CTDP1: variants seen among roughly 807,000 people sequenced by gnomAD.
CTDP1 encodes RNA polymerase II subunit A C-terminal domain phosphatase.
A neutral mutation model predicts 91.8 loss-of-function variants in CTDP1; 47 were observed. The ratio of observed to expected loss-of-function variants is 0.51; its 90% CI spans 0.41 to 0.65. The LOEUF (loss-of-function observed/expected upper bound fraction) is 0.65. Ranked by LOEUF, CTDP1 falls within the 30% of genes least tolerant of loss-of-function variation. The pLI is 0.00. For synonymous variants in CTDP1, 656 were observed against 598.5 expected (o/e 1.10, Z -1.40); for missense variants, 1,272 against 1,373.7 (o/e 0.93, Z 1.17).
chr18:79,747,246 C>T (rs1045033468), intron 12 of CTDP1, among the ~76,000 whole-genome samples: 2 of 152,192 alleles, frequency 1.3e-5, no homozygotes, highest in Non-Finnish European at 2.9e-5. Flanking sequence ...GGTGAGCGCC[C>T]GGCCAGCTCC....
At chr18:79,752,238 C>A (rs964588291) in intron 12 of CTDP1, among the ~76,000 whole-genome samples, 1 of 151,570 alleles carries the variant, frequency 6.6e-6, no homozygotes, top group African/African-American at 2.4e-5. Context: ...AGCCTAGTGG[C>A]ACCGGCTGGT....
chr18:79,704,758 T>A lies in CTDP1; in HGVS notation c.622-9T>A. On this transcript the variant is annotated splice_polypyrimidine_tract_variant and intron_variant, in intron 4 of 12. Coordinates refer to ENST00000613122, the MANE Select transcript of CTDP1 (RefSeq NM_004715.5). ...CTTTTCTCCCGACTGTTGCTACTAT[T>A]CTTTTTAGGGCATCTTTCACTTCCA... The A allele has an allele frequency of 6.2e-7, 1 of 1,613,440 alleles. No homozygotes were observed. Among genetic ancestry groups the A allele is most frequent in the Non-Finnish European group, 8.5e-7 (1 of 1,180,038 alleles).
chr18:79,693,018 C>A (rs528752565), intron 1 of CTDP1, among the ~76,000 whole-genome samples: 1 of 152,118 alleles, frequency 6.6e-6, no homozygotes, highest in Non-Finnish European at 1.5e-5. Flanking sequence ...TGTGGATGGA[C>A]GAAAACAGCT....
intron 4 of CTDP1, 83 bp from the exon 5 acceptor site, chr18:79,704,684 T>C: frequency 6.4e-7 from 1 of 1,556,288 alleles, no homozygotes. Context: ...GTTCTCAGGA[T>C]GCCTGTCTCG....
At position 79,704,958 on chromosome 18, in the gene CTDP1, G is replaced by T. The variant is rs749327390; in HGVS notation, c.772+41G>T. On this transcript the variant is annotated intron_variant, in intron 5 of 12. Coordinates refer to ENST00000613122, the MANE Select transcript of CTDP1 (RefSeq NM_004715.5). ...GCCGAAGAGGCCGTGTGAACAGTGG[G>T]TTTCTTTCCTGTTTTCGGTGATGGT... The T allele has an allele frequency of 3.1e-6, 5 of 1,610,362 alleles. No homozygotes were observed. The South Asian group carries it at 4.4e-5, about 14-fold the overall frequency.
intron 5 of CTDP1, 79 bp from the exon 6 acceptor site, chr18:79,710,267 A>T: frequency 8.7e-7 from 1 of 1,147,302 alleles, no homozygotes; most frequent in Non-Finnish European, 1.3e-6. Context: ...TTTAAAAAAA[A>T]CATTCAAGGC....
chr18:79,677,802 T>TA (rs1481592419), upstream of CTDP1: 26 of 152,258 alleles, frequency 1.7e-4, no homozygotes, highest in Non-Finnish European at 3.8e-4. Context: ...AGTGTGTCCT[T>TA]ACAGTGTGAA....
At position 79,713,838 on chromosome 18, in the gene CTDP1, G is replaced by C. The variant is rs890313276; in HGVS notation, c.1031-653G>C. On this transcript the variant is annotated intron_variant, in intron 7 of 12. Transcript: ENST00000613122. The surrounding 1 kb of genome is among the most constrained non-coding windows in gnomAD (Gnocchi z 4.7). ...GGAAACCGTGGCCATGGTGGTGCCAGGTCATCCGGGGCTTACAGTCACGGT... is the reference window on the plus strand; with the variant it reads ...GGAAACCGTGGCCATGGTGGTGCCACGTCATCCGGGGCTTACAGTCACGGT... Among the ~76,000 whole-genome samples, 11 of 152,088 alleles carry C rather than the reference G, an allele frequency of 7.2e-5. No homozygotes were observed. Among genetic ancestry groups the C allele is most frequent in the Admixed American group, 2.6e-4 (4 of 15,276 alleles).
In CTDP1 at chr18:79,743,508, G is replaced by A. The variant is rs929689187; in HGVS notation, c.2747+6987G>A. On this transcript the variant is annotated intron_variant, in intron 12 of 12. Transcript: ENST00000613122. The stretch of plus-strand genomic sequence containing the variant: ...GCCACTACACTCCACCCTGGACAAC[G>A]GAGTGAGACTCCGTCTCCAAAAAAA... Among the ~76,000 whole-genome samples, 3 of 140,214 alleles carry A rather than the reference G, an allele frequency of 2.1e-5. No individual in the cohort carries two copies. In the East Asian group the frequency reaches 6.5e-4, roughly 30 times the overall value. The allele number at this position is 140,214 out of a possible 152,430, so 92.0% of individuals were successfully genotyped here.
At chr18:79,686,996 CGCA>C (rs1331705399) in intron 1 of CTDP1, among the ~76,000 whole-genome samples, 1 of 132,418 alleles carries the variant, frequency 7.6e-6, no homozygotes, top group Non-Finnish European at 1.6e-5. Flanking sequence ...GGGCCTGCAC[CGCA>C]GCAGTTGGCT....
intron 1 of CTDP1, among the ~76,000 whole-genome samples, chr18:79,686,811 CTCCAGTTCACTGGTGG>C (rs1247728943): frequency 1.3e-5 from 2 of 152,110 alleles, no homozygotes; most frequent in African/African-American, 4.8e-5. Context: ...CAGTTGGCTT[CTCCAGTTCACTGGTGG>C]GCCTGCACCG....
At position 79,688,044 on chromosome 18, in the gene CTDP1, A is replaced by G. The variant is rs183116916; in HGVS notation, c.315-7181A>G. Among the ~76,000 whole-genome samples, 5 of 152,318 alleles carry G rather than the reference A, an allele frequency of 3.3e-5. No homozygotes were observed. The East Asian group carries it at 9.7e-4, about 29-fold the overall frequency. ...TGGGCTGCCCTTGTTCCTTCTTTAC[A>G]TTCCTCAGACGTTGTGCTTTACAGC... is the stretch of plus-strand genomic sequence containing the variant. On this transcript the variant is annotated intron_variant, in intron 1 of 12. Coordinates refer to ENST00000613122, the MANE Select transcript of CTDP1 (RefSeq NM_004715.5).
rs370955707 is a variant in CTDP1, at chr18:79,736,439, C to T, written c.2665C>T (p.Arg889Trp). ...PEEQEEEPQPRKPGTRRERTL... is the reference protein window; with the variant it reads ...PEEQEEEPQPWKPGTRRERTL... ...GGAGCAGGAGGAGGAGCCCCAGCCC[C>T]GGAAGCCAGGGACCCGCAGGGAGCG... The change falls in exon 12 of 13, where the codon CGG becomes TGG. Residue 889 changes from arginine to tryptophan, a missense_variant. Arg to Trp is a moderately radical substitution (Grantham distance 101). Coordinates refer to ENST00000613122, the MANE Select transcript of CTDP1 (RefSeq NM_004715.5). 50 of 1,549,214 alleles carry T rather than the reference C, an allele frequency of 3.2e-5. No individual in the cohort carries two copies. The highest frequency in any genetic ancestry group is 2.3e-4 in the Middle Eastern group (1 of 4,412).
chr18:79,747,241 G>A (rs2086899785), intron 12 of CTDP1, among the ~76,000 whole-genome samples: 1 of 152,194 alleles, frequency 6.6e-6, no homozygotes, highest in Non-Finnish European at 1.5e-5. Flanking sequence ...GGTGTGGTGA[G>A]CGCCCGGCCA....
intron 10 of CTDP1, among the ~76,000 whole-genome samples, chr18:79,722,101 C>A (rs979468450): frequency 2.6e-5 from 4 of 152,170 alleles, no homozygotes; most frequent in African/African-American, 9.7e-5. Context: ...AGATACAAAA[C>A]TGGTGTTTTA....
chr18:79,695,325 G>T lies in CTDP1; in HGVS notation c.398+17G>T. ...CCTCACCCAGTAAGTATCCGGAAGAGTGAGATCGCTGCCTGCTGGGGCTCG... is the reference window on the plus strand; with the variant it reads ...CCTCACCCAGTAAGTATCCGGAAGATTGAGATCGCTGCCTGCTGGGGCTCG... On this transcript the variant is annotated intron_variant, in intron 2 of 12. Coordinates refer to ENST00000613122, the MANE Select transcript of CTDP1 (RefSeq NM_004715.5). 1.9e-6 allele frequency: 3 copies of T among 1,612,514 alleles called. No individual in the cohort carries two copies. The highest frequency in any genetic ancestry group is 2.5e-6 in the Non-Finnish European group (3 of 1,178,532).
intron 12 of CTDP1, among the ~76,000 whole-genome samples, chr18:79,752,620 G>C (rs1185654797): frequency 0.018 from 4 of 218 alleles, no homozygotes; most frequent in Non-Finnish European, 0.1. Context: ...TAGTGGCACC[G>C]GCTGGTTATG....
intron 12 of CTDP1, among the ~76,000 whole-genome samples, chr18:79,740,677 A>G (rs866236022): frequency 1.3e-5 from 2 of 152,204 alleles, no homozygotes; most frequent in Non-Finnish European, 2.9e-5. Context: ...GCTGTTCCAC[A>G]GAATCTTAAT....
At chr18:79,727,724 T>C (rs1306633117) in intron 10 of CTDP1, among the ~76,000 whole-genome samples, 1 of 152,210 alleles carries the variant, frequency 6.6e-6, no homozygotes, top group African/African-American at 2.4e-5. Context: ...AGGATGGGTT[T>C]TATCACCTTC....
Sources: allele counts gnomAD v4.1 joint callset (sites outside exome capture counted in the v4.1 genomes callset), GRCh38; gene constraint gnomAD v4.1.1; non-coding constraint Gnocchi (gnomAD v3.1); transcripts MANE v1.5; gene names NCBI Gene and HGNC (gene_info 2026-07-23, HGNC 2026-07-21).